The following CNTNAP2 variants were observed in gnomAD, a reference collection of about 807,000 sequenced individuals.
The protein encoded by CNTNAP2 is contactin-associated protein-like 2.
A neutral mutation model predicts 155.2 loss-of-function variants in CNTNAP2; 98 were observed. That is an observed-to-expected ratio of 0.63 (90% CI 0.54 to 0.75). CNTNAP2 has a LOEUF of 0.75. CNTNAP2 is among the 30% of genes least tolerant of loss of function. The probability of loss-of-function intolerance (pLI) is 0.00; values close to 1 mark genes in which losing one functional copy is unlikely to be tolerated. For synonymous variants in CNTNAP2, 651 were observed against 631.2 expected (o/e 1.03, Z -0.47); for missense variants, 1,727 against 1,688.1 (o/e 1.02, Z -0.40).
intron 1 of CNTNAP2, among the ~76,000 whole-genome samples, chr7:146,713,077 T>G (rs1283883321): frequency 6.6e-6 from 1 of 152,048 alleles, no homozygotes; most frequent in Non-Finnish European, 1.5e-5. Flanking sequence ...AACTAAAACT[T>G]ATAAGAAATC....
chr7:146,673,302 T>C (rs1800340861), intron 1 of CNTNAP2, among the ~76,000 whole-genome samples: 2 of 152,228 alleles, frequency 1.3e-5, no homozygotes, highest in Admixed American at 1.3e-4. Context: ...CATTACCATG[T>C]TCATTTCAGT....
At chr7:147,463,365 TGAG>T (rs1395838285) in intron 10 of CNTNAP2, among the ~76,000 whole-genome samples, 11 of 152,220 alleles carry the variant, frequency 7.2e-5, no homozygotes, top group African/African-American at 2.4e-4. Flanking sequence ...CTAAAATAGA[TGAG>T]GAGAAGTTCC....
chr7:146,822,644 C>T (rs1177275956), intron 2 of CNTNAP2, among the ~76,000 whole-genome samples: 1 of 146,880 alleles, frequency 6.8e-6, no homozygotes, highest in Non-Finnish European at 1.5e-5. Context: ...TATCAAAATA[C>T]TAATAAATAT....
At chr7:147,614,505 A>G (rs966055136) in intron 12 of CNTNAP2, among the ~76,000 whole-genome samples, 3 of 151,850 alleles carry the variant, frequency 2.0e-5, no homozygotes, top group African/African-American at 7.2e-5. Flanking sequence ...TGATTTTTGT[A>G]TATTGTTCTT....
chr7:146,678,284 G>T (rs1352833712), intron 1 of CNTNAP2, among the ~76,000 whole-genome samples: 1 of 151,846 alleles, frequency 6.6e-6, no homozygotes, highest in East Asian at 1.9e-4. Context: ...GGCCGGGCTG[G>T]TTTAGTCTCA....
chr7:147,936,395 G>C (rs116992233), intron 14 of CNTNAP2, among the ~76,000 whole-genome samples: 1 of 151,514 alleles, frequency 6.6e-6, no homozygotes, highest in South Asian at 2.1e-4. Context: ...ACTTCAGTAT[G>C]ACTTAATCTG....
chr7:148,325,145 G>A (rs779709187), intron 21 of CNTNAP2, among the ~76,000 whole-genome samples: 68 of 152,240 alleles, frequency 4.5e-4, no homozygotes, highest in Non-Finnish European at 8.4e-4. Flanking sequence ...TAAATGGACA[G>A]ATTTTTGTCT....
chr7:148,192,412 T>G lies in CNTNAP2; in HGVS notation c.3010+19934T>G, dbSNP rs182654926. Among the ~76,000 whole-genome samples, 661 of 152,106 alleles carry G rather than the reference T, an allele frequency of 4.3e-3. 4 individuals carry two copies. Among genetic ancestry groups the G allele is most frequent in the Non-Finnish European group, 7.5e-3 (512 of 68,006 alleles). On this transcript the variant is annotated intron_variant, in intron 18 of 23. Coordinates refer to ENST00000361727, the MANE Select transcript of CNTNAP2 (RefSeq NM_014141.6). ...TGTATGTCACAACATTCATAAAAACTGATCAACTTAAATACCACATTAAAA... is the reference window on the plus strand; with the variant it reads ...TGTATGTCACAACATTCATAAAAACGGATCAACTTAAATACCACATTAAAA...
At chr7:147,963,577 G>T (rs552239103) in intron 14 of CNTNAP2, among the ~76,000 whole-genome samples, 22 of 152,200 alleles carry the variant, frequency 1.4e-4, no homozygotes, top group African/African-American at 4.6e-4. Context: ...AACAGTAAAT[G>T]GTTTATGTGG....
At position 147,117,415 on chromosome 7, in the gene CNTNAP2, G is replaced by A. The variant is rs544230459; in HGVS notation, c.755-3564G>A. ...TTGGGGGTTCCCTTGGCTCCACGTC[G>A]CTCCTGGGTAGGCTGTAGCCCCATC... On this transcript the variant is annotated intron_variant, in intron 5 of 23. Coordinates refer to ENST00000361727, the MANE Select transcript of CNTNAP2 (RefSeq NM_014141.6). Among the ~76,000 whole-genome samples, 25 of 152,188 alleles carry A rather than the reference G, an allele frequency of 1.6e-4. 1 individual carries two copies. Among genetic ancestry groups the A allele is most frequent in the South Asian group, 6.2e-4 (3 of 4,822 alleles).
At chr7:147,287,190 A>G (rs377279917) in intron 8 of CNTNAP2, among the ~76,000 whole-genome samples, 3 of 152,132 alleles carry the variant, frequency 2.0e-5, no homozygotes, top group African/African-American at 7.2e-5. Flanking sequence ...CAACATTACT[A>G]AGAAGAAACA....
At chr7:146,404,124 C>CAAAAA (rs1163559597) in intron 1 of CNTNAP2, among the ~76,000 whole-genome samples, 21,697 of 71,602 alleles carry the variant, frequency 0.3, 2,726 homozygotes, top group Admixed American at 0.35. Flanking sequence ...GACTCCGTCT[C>CAAAAA]AAAAAAAAAA....
intron 3 of CNTNAP2, among the ~76,000 whole-genome samples, chr7:146,881,803 TTTA>T (rs1795557822): frequency 6.6e-6 from 1 of 151,462 alleles, no homozygotes; most frequent in Admixed American, 6.6e-5. Context: ...ATTATCTTCT[TTTA>T]TTATTTTTCT....
At chr7:146,235,652 TG>T (rs1322457678) in intron 1 of CNTNAP2, among the ~76,000 whole-genome samples, 2 of 152,064 alleles carry the variant, frequency 1.3e-5, no homozygotes, top group Admixed American at 6.6e-5. Flanking sequence ...TGATCTCTCT[TG>T]TACTTCCAGC....
chr7:146,329,477 A>AT (rs1206146377), intron 1 of CNTNAP2, among the ~76,000 whole-genome samples: 3 of 152,124 alleles, frequency 2.0e-5, no homozygotes, highest in Non-Finnish European at 4.4e-5. Context: ...CATCTTACTC[A>AT]TTTTTTAAAA....
rs796103316 is a variant in CNTNAP2, at chr7:147,867,623, G to A, written c.2099-35942G>A. On this transcript the variant is annotated intron_variant, in intron 13 of 23. Transcript: ENST00000361727. ...ATTTGGTCTTTTCACATAGTCCCAT[G>A]TTTCTTGGAGGCTTTCTTCATTTCT... Among the ~76,000 whole-genome samples the A allele has an allele frequency of 3.2e-4, 49 of 152,186 alleles. 1 individual carries two copies. The highest frequency in any genetic ancestry group is 1.0e-3 in the African/African-American group (42 of 41,540).
chr7:147,998,824 G>A (rs939613150), intron 15 of CNTNAP2, among the ~76,000 whole-genome samples: 3 of 152,196 alleles, frequency 2.0e-5, no homozygotes, highest in Admixed American at 1.3e-4. Flanking sequence ...TCTGTAGACA[G>A]TGGGGAGTTT....
chr7:147,392,796 C>T (rs145072048), intron 9 of CNTNAP2, among the ~76,000 whole-genome samples: 8 of 151,990 alleles, frequency 5.3e-5, no homozygotes, highest in South Asian at 2.1e-4. Context: ...AGCTCAAATG[C>T]TCATCAATCA....
chr7:147,402,128 TC>T (rs1164426699), intron 10 of CNTNAP2, among the ~76,000 whole-genome samples: 10 of 152,208 alleles, frequency 6.6e-5, no homozygotes, highest in African/African-American at 2.2e-4. Flanking sequence ...TAATCACTCC[TC>T]CTTTCCGTGT....
Sources: gnomAD v4.1 joint callset for allele counts (sites outside exome capture counted in the v4.1 genomes callset) on GRCh38, gnomAD v4.1.1 for gene constraint, MANE v1.5 for transcripts, NCBI Gene and HGNC (gene_info 2026-07-23, HGNC 2026-07-21) for gene names.